KCNIP1: variants seen among roughly 807,000 people sequenced by gnomAD.
The protein encoded by KCNIP1 is potassium voltage-gated channel interacting protein 1.
Under a neutral mutation model 33.0 loss-of-function variants are expected in KCNIP1, and 18 were observed. That is an observed-to-expected ratio of 0.55 (90% CI 0.38 to 0.81). KCNIP1 has a LOEUF of 0.81. Among genes scored for constraint, KCNIP1 ranks in the 30% least tolerant of loss-of-function variants. The probability of loss-of-function intolerance (pLI) is 0.00; values close to 1 mark genes in which losing one functional copy is unlikely to be tolerated. For synonymous variants in KCNIP1, 93 were observed against 98.3 expected (o/e 0.95, Z 0.32); for missense variants, 238 against 271.6 (o/e 0.88, Z 0.87).
intron 1 of KCNIP1, among the ~76,000 whole-genome samples, chr5:170,702,753 G>T (rs1475377061): frequency 6.6e-6 from 1 of 152,070 alleles, no homozygotes; most frequent in Non-Finnish European, 1.5e-5. Flanking sequence ...TGACCCCAAG[G>T]ATGCCTCCTG....
At chr5:170,385,247 G>T in intron 1 of KCNIP1, 1 of 1,568,858 alleles carries the variant, frequency 6.4e-7, no homozygotes. Context: ...AGAAGGCCAG[G>T]GTTCCTTACA....
chr5:170,630,465 G>A lies in KCNIP1; in HGVS notation c.62-88293G>A, dbSNP rs145791630. 1.8e-3 allele frequency among the ~76,000 whole-genome samples: 272 copies of A among 152,314 alleles called. 1 individual carries two copies. The highest frequency in any genetic ancestry group is 6.0e-3 in the African/African-American group (249 of 41,570). On this transcript the variant is annotated intron_variant, in intron 1 of 7. Coordinates refer to ENST00000328939, the MANE Select transcript of KCNIP1 (RefSeq NM_014592.4). ...AAAAAGGCAGCATTTGGGCTGGGACGTACAGATGAGTAGGGGGTCGAGTGT... is the reference window on the plus strand; with the variant it reads ...AAAAAGGCAGCATTTGGGCTGGGACATACAGATGAGTAGGGGGTCGAGTGT...
At chr5:170,474,221 C>G (rs1054777902) in intron 1 of KCNIP1, among the ~76,000 whole-genome samples, 2 of 152,086 alleles carry the variant, frequency 1.3e-5, no homozygotes, top group African/African-American at 4.8e-5. Flanking sequence ...ATCTTTATAA[C>G]GAGACAACCT....
chr5:170,690,860 T>C (rs1421289745), intron 1 of KCNIP1, among the ~76,000 whole-genome samples: 2 of 152,254 alleles, frequency 1.3e-5, no homozygotes, highest in Non-Finnish European at 2.9e-5. Context: ...CCCAAGCATC[T>C]GATTGCTTTC....
At chr5:170,682,784 C>CTTTTTTTTTTTTTCTTTTTTTTT (rs1762397468) in intron 1 of KCNIP1, among the ~76,000 whole-genome samples, 1 of 71,404 alleles carries the variant, frequency 1.4e-5, no homozygotes, top group Non-Finnish European at 2.4e-5. Flanking sequence ...TTCTTTGTTT[C>CTTTTTTTTTTTTTCTTTTTTTTT]TTTTTTTTTT....
rs1280924677 is a variant in KCNIP1, at chr5:170,390,514, ACAAATATAT to A, written c.88+36551_88+36559del. ...CGAGACCCCGTCTCAAAAAAAAAAAACAAATATATATATATATATATATATTTTCAACAA... is the reference window on the plus strand; with the variant it reads ...CGAGACCCCGTCTCAAAAAAAAAAAAATATATATATATATATTTTCAACAA... On this transcript the variant is annotated intron_variant, in intron 1 of 7. Coordinates refer to the KCNIP1 transcript ENST00000377360. Among the ~76,000 whole-genome samples the A allele has an allele frequency of 4.3e-4, 32 of 75,178 alleles. 1 individual carries two copies. The highest frequency in any genetic ancestry group is 5.0e-4 in the Non-Finnish European group (19 of 38,100). 49.3% of individuals were successfully genotyped at this position (75,178 alleles called of 152,430 possible).
chr5:170,487,557 T>A (rs1757124598), intron 1 of KCNIP1, among the ~76,000 whole-genome samples: 1 of 150,684 alleles, frequency 6.6e-6, no homozygotes, highest in Non-Finnish European at 1.5e-5. Flanking sequence ...GGTCTGGCTG[T>A]GTCACCCAGG....
At chr5:170,629,501 C>G (rs1759968450) in intron 1 of KCNIP1, among the ~76,000 whole-genome samples, 1 of 152,212 alleles carries the variant, frequency 6.6e-6, no homozygotes, top group Non-Finnish European at 1.5e-5. Context: ...GAGGAGGGGT[C>G]TCAGGCAGGC....
At chr5:170,421,053 G>GT in intron 1 of KCNIP1, among the ~76,000 whole-genome samples, 1 of 152,286 alleles carries the variant, frequency 6.6e-6, no homozygotes, top group South Asian at 2.1e-4. Flanking sequence ...TCGAAGGAAA[G>GT]TATCAGCATC....
intron 1 of KCNIP1, among the ~76,000 whole-genome samples, chr5:170,417,493 C>T (rs1047959136): frequency 2.0e-5 from 3 of 152,220 alleles, no homozygotes; most frequent in Non-Finnish European, 2.9e-5. Flanking sequence ...ATGCTCCACT[C>T]TCTGCCAATG....
intron 1 of KCNIP1, among the ~76,000 whole-genome samples, chr5:170,512,827 A>G (rs532670337): frequency 2.7e-4 from 41 of 152,246 alleles, no homozygotes; most frequent in African/African-American, 9.4e-4. Context: ...AGGCTGGCGG[A>G]TCATGAGGTC....
intron 1 of KCNIP1, among the ~76,000 whole-genome samples, chr5:170,381,523 C>T (rs1317448309): frequency 1.3e-5 from 2 of 152,182 alleles, no homozygotes; most frequent in Admixed American, 6.5e-5. Context: ...TGGACATAGG[C>T]GGAAGGAGCA....
At chr5:170,524,006 C>G (rs542948117) in intron 1 of KCNIP1, among the ~76,000 whole-genome samples, 6 of 152,326 alleles carry the variant, frequency 3.9e-5, no homozygotes, top group Admixed American at 2.6e-4. Flanking sequence ...GCACCACCCC[C>G]CAGTCCTCCG....
In KCNIP1 at chr5:170,721,870, C is replaced by T. The variant is rs780779650; in HGVS notation, c.294C>T (p.Phe98=). Residue 98 remains phenylalanine (F), a synonymous_variant, in exon 4 of 8, where the codon TTC becomes TTT. Transcript: ENST00000328939. The part of the protein sequence containing the change: ...STYAHYLFNA[F]DTTQTGSVKF... ...ATGCCCATTACCTCTTCAATGCCTTCGACACCACTCAGACAGGCTCCGTGA... is the reference window on the plus strand; with the variant it reads ...ATGCCCATTACCTCTTCAATGCCTTTGACACCACTCAGACAGGCTCCGTGA... 18 of 1,614,040 alleles carry T rather than the reference C, an allele frequency of 1.1e-5. No individual in the cohort carries two copies. Among genetic ancestry groups the T allele is most frequent in the East Asian group, 2.2e-5 (1 of 44,890 alleles).
chr5:170,613,869 C>T (rs989409921), intron 1 of KCNIP1, among the ~76,000 whole-genome samples: 3 of 152,182 alleles, frequency 2.0e-5, no homozygotes, highest in Non-Finnish European at 2.9e-5. Context: ...TCACAGGGGC[C>T]ACTTGGTGTC....
At chr5:170,383,688 C>T (rs368056366) in intron 1 of KCNIP1, 4 of 1,614,192 alleles carry the variant, frequency 2.5e-6, no homozygotes, top group East Asian at 4.5e-5. Context: ...CCTGCTGGTT[C>T]TGGTCCCGAG....
intron 1 of KCNIP1, among the ~76,000 whole-genome samples, chr5:170,658,486 G>A (rs1761355270): frequency 6.6e-6 from 1 of 152,196 alleles, no homozygotes; most frequent in Non-Finnish European, 1.5e-5. Flanking sequence ...TGGAGATTGA[G>A]TTTCAACATG....
At chr5:170,567,407 A>C (rs1757241603) in intron 1 of KCNIP1, among the ~76,000 whole-genome samples, 1 of 152,194 alleles carries the variant, frequency 6.6e-6, no homozygotes. Flanking sequence ...ATCAGATGGG[A>C]AGCTAGGAGG....
intron 1 of KCNIP1, among the ~76,000 whole-genome samples, chr5:170,607,643 G>C (rs1758978033): frequency 6.6e-6 from 1 of 152,168 alleles, no homozygotes; most frequent in Admixed American, 6.5e-5. Flanking sequence ...TCTCACGAAG[G>C]GTTCATCCCT....
Sources: allele counts gnomAD v4.1 joint callset (sites outside exome capture counted in the v4.1 genomes callset), GRCh38; gene constraint gnomAD v4.1.1; transcripts MANE v1.5; gene names NCBI Gene and HGNC (gene_info 2026-07-23, HGNC 2026-07-21).